Variants in NAALADL2 observed in about 807,000 individuals in gnomAD.
NAALADL2 encodes the protein N-acetylated alpha-linked acidic dipeptidase like 2.
In NAALADL2, 76 loss-of-function variants were observed where a neutral mutation model predicts 87.2. That is an observed-to-expected ratio of 0.87 (90% confidence interval 0.72 to 1.05). NAALADL2 has a LOEUF of 1.05. NAALADL2 is among the 50% of genes least tolerant of loss of function. The pLI, the probability that NAALADL2 is intolerant of heterozygous loss-of-function variation, is 0.00. For missense variants in NAALADL2, 1,089 were observed against 945.8 expected, an observed-to-expected ratio of 1.15 and a Z score of -1.99; for synonymous variants, 354 against 331.0, an observed-to-expected ratio of 1.07 and a Z score of -0.75.
At chr3:175,512,280 C>G (rs1022376967) in intron 9 of NAALADL2, among the ~76,000 whole-genome samples, 1 of 152,112 alleles carries the variant, frequency 6.6e-6, no homozygotes, top group Non-Finnish European at 1.5e-5. Context: ...GTTTCTTGAA[C>G]TTCTGGAGCA....
intron 2 of NAALADL2, among the ~76,000 whole-genome samples, chr3:174,705,071 G>T (rs565947266): frequency 3.9e-5 from 6 of 152,150 alleles, no homozygotes; most frequent in Admixed American, 3.3e-4. Flanking sequence ...CAGGGTCATG[G>T]GTGGCTGTTG....
chr3:174,917,613 T>G (rs1246325692), intron 1 of NAALADL2, among the ~76,000 whole-genome samples: 1 of 152,140 alleles, frequency 6.6e-6, no homozygotes, highest in Non-Finnish European at 1.5e-5. Flanking sequence ...CATTTCAAGT[T>G]GTTTATTAAT....
intron 3 of NAALADL2, among the ~76,000 whole-genome samples, chr3:174,825,855 G>C (rs1327832777): frequency 6.6e-6 from 1 of 152,006 alleles, no homozygotes; most frequent in African/African-American, 2.4e-5. Context: ...GTGAAACCTC[G>C]TCTCTACTAA....
intron 11 of NAALADL2, among the ~76,000 whole-genome samples, chr3:175,669,178 CAAAAT>C (rs142543132): frequency 0.016 from 2,474 of 152,062 alleles, 74 homozygotes; most frequent in African/African-American, 0.057. Context: ...GCAGCCCAAA[CAAAAT>C]AAGAGTTATT....
chr3:174,887,155 T>C (rs1409818157), intron 1 of NAALADL2, among the ~76,000 whole-genome samples: 1 of 152,182 alleles, frequency 6.6e-6, no homozygotes, highest in African/African-American at 2.4e-5. Flanking sequence ...CTGTCCTAGA[T>C]GGCCACTCAT....
intron 12 of NAALADL2, among the ~76,000 whole-genome samples, chr3:175,737,728 T>TG (rs1744699269): frequency 1.4e-5 from 2 of 141,690 alleles, no homozygotes. Flanking sequence ...TTTTTTTTTT[T>TG]TTTTTTTTTT....
At chr3:175,238,328 T>A (rs1480663091) in intron 3 of NAALADL2, among the ~76,000 whole-genome samples, 3 of 151,910 alleles carry the variant, frequency 2.0e-5, no homozygotes, top group Non-Finnish European at 4.4e-5. Context: ...AGGGAGAAAA[T>A]AAAGTTAACT....
intron 2 of NAALADL2, among the ~76,000 whole-genome samples, chr3:175,122,896 TC>T (rs1323715664): frequency 6.6e-6 from 1 of 151,878 alleles, no homozygotes; most frequent in Non-Finnish European, 1.5e-5. Flanking sequence ...GTAAGGACCT[TC>T]TTGCTTCATT....
At chr3:175,497,965 A>G (rs1243994866) in intron 9 of NAALADL2, among the ~76,000 whole-genome samples, 1 of 152,088 alleles carries the variant, frequency 6.6e-6, no homozygotes, top group Non-Finnish European at 1.5e-5. Context: ...GTTAGTGTGC[A>G]TGTAATATTT....
chr3:174,509,747 G>A (rs1373787398), intron 1 of NAALADL2, among the ~76,000 whole-genome samples: 1 of 151,094 alleles, frequency 6.6e-6, no homozygotes, highest in African/African-American at 2.4e-5. Flanking sequence ...TCTAATTAGG[G>A]CTATCTTCCT....
rs541778327 is a variant in NAALADL2 at position 175,064,956 on chromosome 3, G to C, written c.44-31834G>C. 1.7e-3 allele frequency among the ~76,000 whole-genome samples: 253 copies of C among 152,164 alleles called. 1 individual carries two copies. The highest frequency in any genetic ancestry group is 5.8e-3 in the African/African-American group (242 of 41,510). On this transcript the variant is annotated intron_variant, in intron 1 of 13. Coordinates refer to ENST00000454872, the MANE Select transcript of NAALADL2 (RefSeq NM_207015.3). ...GATTAAATAATGCGTAGTTTGAAAAGTACTTCATCTAATCACTTATTGATT... is the reference window on the plus strand; with the variant it reads ...GATTAAATAATGCGTAGTTTGAAAACTACTTCATCTAATCACTTATTGATT...
chr3:174,780,972 A>C (rs1715899293), intron 3 of NAALADL2, among the ~76,000 whole-genome samples: 1 of 151,936 alleles, frequency 6.6e-6, no homozygotes, highest in South Asian at 2.1e-4. Flanking sequence ...AAGGCAGGTG[A>C]CATGGTGACA....
At chr3:174,459,709 G>A (rs755453174) in intron 1 of NAALADL2, 2 of 152,150 alleles carry the variant, frequency 1.3e-5, no homozygotes, top group African/African-American at 2.4e-5. Flanking sequence ...CTTGGTTGCA[G>A]TCTTTGAAAT....
intron 3 of NAALADL2, among the ~76,000 whole-genome samples, chr3:174,850,858 A>T: frequency 6.6e-6 from 1 of 152,094 alleles, no homozygotes; most frequent in Non-Finnish European, 1.5e-5. Flanking sequence ...ACCATATATA[A>T]GTCCACTAAA....
At chr3:175,210,333 CATGTG>C (rs2109257101) in intron 2 of NAALADL2, among the ~76,000 whole-genome samples, 1 of 151,560 alleles carries the variant, frequency 6.6e-6, no homozygotes, top group Non-Finnish European at 1.5e-5. Context: ...AGAAACATTC[CATGTG>C]ATGTGGAGGG....
At chr3:175,343,655 G>GTTTATTTTTTTTTTTTTTTTTTTTT (rs1762797966) in intron 5 of NAALADL2, among the ~76,000 whole-genome samples, 1 of 64,726 alleles carries the variant, frequency 1.5e-5, no homozygotes, top group African/African-American at 4.6e-5. Flanking sequence ...TCTTGATCAT[G>GTTTATTTTTTTTTTTTTTTTTTTTT]TTTTTTTTTT....
rs372366154 is a variant in NAALADL2, at chr3:174,750,888, C to T, written c.-9+13142C>T. Among the ~76,000 whole-genome samples the T allele has an allele frequency of 1.0e-3, 155 of 152,216 alleles. 1 individual carries two copies. Among genetic ancestry groups the T allele is most frequent in the African/African-American group, 3.5e-3 (145 of 41,534 alleles). On this transcript the variant is annotated intron_variant, in intron 3 of 3. Transcript: ENST00000434257. The stretch of plus-strand genomic sequence containing the variant: ...AGCTGCAGTCATTTTGCAAATACAG[C>T]GCTCTCAAAACCTTTTTTTTCTCTC...
At chr3:175,212,408 T>C (rs1191341878) in intron 2 of NAALADL2, among the ~76,000 whole-genome samples, 1 of 152,112 alleles carries the variant, frequency 6.6e-6, no homozygotes, top group African/African-American at 2.4e-5. Flanking sequence ...GTTACATTTA[T>C]GTTAAAATTT....
intron 11 of NAALADL2, among the ~76,000 whole-genome samples, chr3:175,666,163 C>T (rs1182698287): frequency 1.3e-5 from 2 of 151,960 alleles, no homozygotes; most frequent in Non-Finnish European, 2.9e-5. Context: ...TGTGGTACTT[C>T]TGTGTTGCAG....
Sources: gnomAD v4.1 joint callset for allele counts (sites outside exome capture counted in the v4.1 genomes callset) on GRCh38, gnomAD v4.1.1 for gene constraint, MANE v1.5 for transcripts, NCBI Gene and HGNC (gene_info 2026-07-23, HGNC 2026-07-21) for gene names.